C12orf56: variants seen among roughly 807,000 people sequenced by gnomAD.
The protein encoded by C12orf56 is uncharacterized protein C12orf56.
A neutral mutation model predicts 69.9 loss-of-function variants in C12orf56; 71 were observed. The ratio of observed to expected loss-of-function variants is 1.02; its 90% CI spans 0.84 to 1.24. The LOEUF (loss-of-function observed/expected upper bound fraction) is 1.24, where lower values mean the gene tolerates loss of function less well. C12orf56 is among the 50% of genes most tolerant of loss of function. C12orf56 has a pLI of 0.00. For synonymous variants in C12orf56, 276 were observed against 274.1 expected, an observed-to-expected ratio of 1.01 and a Z score of -0.07; for missense variants, 732 against 738.5, an observed-to-expected ratio of 0.99 and a Z score of 0.10.
intron 1 of C12orf56, among the ~76,000 whole-genome samples, chr12:64,385,919 A>C (rs565844547): frequency 6.6e-6 from 1 of 152,212 alleles, no homozygotes; most frequent in East Asian, 1.9e-4. Context: ...ACAACTTTAG[A>C]ATCCTCCCGA....
intron 2 of C12orf56, among the ~76,000 whole-genome samples, chr12:64,339,104 T>C (rs1434497828): frequency 1.3e-5 from 2 of 152,242 alleles, no homozygotes; most frequent in Admixed American, 1.3e-4. Flanking sequence ...TAACATGGTA[T>C]ATAAGCACTC....
At chr12:64,308,988 A>AGAAAGAAAG (rs2038570966) in intron 5 of C12orf56, among the ~76,000 whole-genome samples, 2 of 150,076 alleles carry the variant, frequency 1.3e-5, no homozygotes, top group Non-Finnish European at 3.0e-5. Context: ...AAGAAAGAAA[A>AGAAAGAAAG]GAAAGAAGGA....
At chr12:64,356,195 A>AC (rs2039314580) in intron 1 of C12orf56, among the ~76,000 whole-genome samples, 1 of 151,718 alleles carries the variant, frequency 6.6e-6, no homozygotes, top group African/African-American at 2.4e-5. Context: ...AAAAAAAAAA[A>AC]AAAACCATAC....
chr12:64,326,130 C>T (rs1306343536), intron 3 of C12orf56, among the ~76,000 whole-genome samples: 1 of 152,056 alleles, frequency 6.6e-6, no homozygotes, highest in Non-Finnish European at 1.5e-5. Context: ...AGACAATGAG[C>T]CCTGGTAGAT....
intron 1 of C12orf56, among the ~76,000 whole-genome samples, chr12:64,376,463 G>A (rs372172982): frequency 3.3e-5 from 5 of 152,036 alleles, no homozygotes; most frequent in South Asian, 2.1e-4. Context: ...TAAAATCCAC[G>A]GTCCGAAACA....
chr12:64,359,270 CCT>C (rs1261002461), intron 1 of C12orf56, among the ~76,000 whole-genome samples: 1 of 152,122 alleles, frequency 6.6e-6, no homozygotes, highest in Admixed American at 6.6e-5. Flanking sequence ...CCATGACTTT[CCT>C]CTCTTCATCA....
chr12:64,271,750 A>G (rs1430710474), intron 11 of C12orf56, among the ~76,000 whole-genome samples: 2 of 152,218 alleles, frequency 1.3e-5, no homozygotes, highest in Non-Finnish European at 2.9e-5. Flanking sequence ...TTGAGCTGAG[A>G]GAGTCTGAGG....
chr12:64,365,957 A>G (rs1402244747), intron 1 of C12orf56, among the ~76,000 whole-genome samples: 19 of 130,168 alleles, frequency 1.5e-4, no homozygotes, highest in Non-Finnish European at 2.4e-4. Context: ...TATATATTGT[A>G]TATAGTGTAT....
At chr12:64,361,420 GCT>G (rs2039398870) in intron 1 of C12orf56, among the ~76,000 whole-genome samples, 2 of 152,054 alleles carry the variant, frequency 1.3e-5, no homozygotes, top group African/African-American at 2.4e-5. Flanking sequence ...TGAGACAGGA[GCT>G]CAGCACAAGA....
intron 2 of C12orf56, among the ~76,000 whole-genome samples, chr12:64,340,363 T>C (rs1042061140): frequency 6.6e-6 from 1 of 152,082 alleles, no homozygotes; most frequent in African/African-American, 2.4e-5. Context: ...GGATCAATAC[T>C]TTCTATCCTT....
rs567699294 is a variant in C12orf56, at chr12:64,386,490, G to A, written c.252+3824C>T. On this transcript the variant is annotated intron_variant, in intron 1 of 12. Transcript: ENST00000543942. The stretch of plus-strand genomic sequence containing the variant: ...TGGCTCACCGCAACCTCCGCCTCCC[G>A]GGTTCAAGCTATTCTCCTGCCTCAG... 1.5e-4 allele frequency among the ~76,000 whole-genome samples: 22 copies of A among 151,586 alleles called. 1 individual carries two copies. The South Asian group carries it at 3.8e-3, about 26-fold the overall frequency.
chr12:64,293,796 G>A (rs1374370292), intron 6 of C12orf56, among the ~76,000 whole-genome samples: 1 of 152,210 alleles, frequency 6.6e-6, no homozygotes, highest in Non-Finnish European at 1.5e-5. Context: ...TAAGTGCAGT[G>A]CTAAGAGAGG....
intron 1 of C12orf56, among the ~76,000 whole-genome samples, chr12:64,369,355 G>A (rs1334746480): frequency 2.0e-5 from 3 of 151,930 alleles, no homozygotes; most frequent in African/African-American, 4.8e-5. Flanking sequence ...GTGCCACCAC[G>A]CCCGGCTAAT....
At position 64,266,823 on chromosome 12, in the gene C12orf56, T is replaced by G; in HGVS notation, c.*360A>C. ...TTGAGAACCTTCTTGCTTTTGCTGC[T>G]AAGGTGGAAGAGAAGTGAGTACAGC... is the stretch of plus-strand genomic sequence containing the variant. On this transcript the variant is annotated 3_prime_UTR_variant, in exon 13 of 13. Transcript: ENST00000543942. 3.4e-6 allele frequency: 1 copy of G among 290,412 alleles called. No homozygotes were observed. Among genetic ancestry groups the G allele is most frequent in the Non-Finnish European group, 6.5e-6 (1 of 154,894 alleles). The allele number at this position is 290,412 out of a possible 1,614,324, so 18.0% of individuals were successfully genotyped here.
At chr12:64,328,697 AAAAAAAAAAATATATATATAT>A (rs1457315214) in intron 3 of C12orf56, among the ~76,000 whole-genome samples, 812 of 23,796 alleles carry the variant, frequency 0.034, 6 homozygotes, top group African/African-American at 0.11. Context: ...AAAAAAAAAA[AAAAAAAAAAATATATATATAT>A]ATATATATAT....
At chr12:64,311,717 A>T (rs1359115607) in intron 5 of C12orf56, among the ~76,000 whole-genome samples, 1 of 152,198 alleles carries the variant, frequency 6.6e-6, no homozygotes, top group Non-Finnish European at 1.5e-5. Flanking sequence ...TTGAGGAAAG[A>T]AAAATAAAAA....
intron 12 of C12orf56, among the ~76,000 whole-genome samples, chr12:64,267,878 T>C (rs182263827): frequency 2.5e-4 from 38 of 152,030 alleles, no homozygotes; most frequent in African/African-American, 8.5e-4. Context: ...GTTATCAGTA[T>C]TTTTTTAATA....
intron 2 of C12orf56, among the ~76,000 whole-genome samples, chr12:64,341,983 A>G (rs2039080596): frequency 1.3e-5 from 2 of 152,138 alleles, no homozygotes; most frequent in Non-Finnish European, 2.9e-5. Flanking sequence ...TGGCTGGGGA[A>G]AGAGGCTTAG....
At chr12:64,346,923 TCTATATCTATAC>T (rs1172369368) in intron 2 of C12orf56, among the ~76,000 whole-genome samples, 1 of 152,136 alleles carries the variant, frequency 6.6e-6, no homozygotes, top group Admixed American at 6.5e-5. Flanking sequence ...AAAGAAAATA[TCTATATCTATAC>T]CTATATCTAT....
Sources: allele counts gnomAD v4.1 joint callset (sites outside exome capture counted in the v4.1 genomes callset), GRCh38; gene constraint gnomAD v4.1.1; transcripts MANE v1.5; gene names NCBI Gene and HGNC (gene_info 2026-07-23, HGNC 2026-07-21).